The following FOXJ3 variants were observed in gnomAD, a reference collection of about 807,000 sequenced individuals.
FOXJ3 encodes the protein forkhead box protein J3.
Under a neutral mutation model 76.1 loss-of-function variants are expected in FOXJ3, and 22 were observed. The ratio of observed to expected loss-of-function variants is 0.29; its 90% CI spans 0.21 to 0.41. The LOEUF (loss-of-function observed/expected upper bound fraction) is 0.41, where lower values mean the gene tolerates loss of function less well. Among genes scored for constraint, FOXJ3 ranks in the 10% least tolerant of loss-of-function variants. The pLI, the probability that FOXJ3 is intolerant of heterozygous loss-of-function variation, is 1.00. For missense variants in FOXJ3, 613 were observed against 762.1 expected, an observed-to-expected ratio of 0.80 and a Z score of 2.30; for synonymous variants, 269 against 261.2, an observed-to-expected ratio of 1.03 and a Z score of -0.29.
chr1:42,237,198 AC>A (rs1192394184), intron 4 of FOXJ3, among the ~76,000 whole-genome samples: 7 of 147,052 alleles, frequency 4.8e-5, no homozygotes, highest in Non-Finnish European at 4.5e-5. Flanking sequence ...ACACGGTAAA[AC>A]CCCGTCTCTA....
At chr1:42,237,389 T>TAC (rs1390531804) in intron 4 of FOXJ3, among the ~76,000 whole-genome samples, 1,540 of 117,184 alleles carry the variant, frequency 0.013, 36 homozygotes, top group African/African-American at 0.045. Context: ...AATATATATA[T>TAC]ATACATACAT....
At chr1:42,286,097 G>A (rs947323702) in intron 2 of FOXJ3, among the ~76,000 whole-genome samples, 8 of 152,128 alleles carry the variant, frequency 5.3e-5, no homozygotes, top group Non-Finnish European at 1.2e-4. Flanking sequence ...GTAGACAAAG[G>A]AGTCAACTAT....
intron 4 of FOXJ3, among the ~76,000 whole-genome samples, chr1:42,231,389 A>T (rs991720704): frequency 1.2e-4 from 18 of 152,158 alleles, no homozygotes; most frequent in African/African-American, 4.1e-4. Flanking sequence ...CAGTCACAGA[A>T]GGACAAATAT....
At chr1:42,280,308 C>G in intron 2 of FOXJ3, 4 of 983,284 alleles carry the variant, frequency 4.1e-6, no homozygotes, top group Non-Finnish European at 4.8e-6. Flanking sequence ...TAAATTGAGT[C>G]CTCTTGATTT....
chr1:42,207,267 ATGAG>A (rs1175518123), intron 5 of FOXJ3, among the ~76,000 whole-genome samples: 3 of 152,166 alleles, frequency 2.0e-5, no homozygotes, highest in African/African-American at 4.8e-5. Flanking sequence ...GCTACCACAT[ATGAG>A]TGAGAATACG....
rs1005236407 is a variant in FOXJ3 at position 42,278,608 on chromosome 1, C to T, written c.109G>A (p.Ala37Thr). Reference sequence around the variant, plus strand: ...GTAGCATCAGATTTTTGGATGGCTGCTCTCATGGTGAGCTGTGGTAACCAG... The same window carrying T: ...GTAGCATCAGATTTTTGGATGGCTGTTCTCATGGTGAGCTGTGGTAACCAG... ...MDWLPQLTMR[A>T]AIQKSDATQN... Residue 37 changes from alanine to threonine, a missense_variant, in exon 3 of 13, where the codon GCA becomes ACA. Physicochemically the swap from Ala to Thr is moderately conservative, Grantham distance 58. Around this residue, in one of 3 missense-constraint regions of FOXJ3, gnomAD observed 77 missense variants for 115.1 expected, o/e 0.67. Coordinates refer to ENST00000361346, the MANE Select transcript of FOXJ3 (RefSeq NM_014947.5). 1 of 1,614,014 alleles carries T rather than the reference C, an allele frequency of 6.2e-7. No homozygotes were observed. The highest frequency in any genetic ancestry group is 8.5e-7 in the Non-Finnish European group (1 of 1,180,016).
In FOXJ3 at chr1:42,197,718, G is replaced by A. The variant is rs1263815435; in HGVS notation, c.759+1384C>T. Among the ~76,000 whole-genome samples, 5 of 149,948 alleles carry A rather than the reference G, an allele frequency of 3.3e-5. No individual in the cohort carries two copies. In the East Asian group the frequency reaches 9.7e-4, roughly 29 times the overall value. ...AAAGAAATAACAGTCTCGCTCTATC[G>A]CCCAGGCTGGAGTGGAGTGACGTGA... is the stretch of plus-strand genomic sequence containing the variant. On this transcript the variant is annotated intron_variant, in intron 7 of 12. Transcript: ENST00000361346.
At chr1:42,238,601 C>G (rs1329288784) in intron 4 of FOXJ3, among the ~76,000 whole-genome samples, 1 of 152,182 alleles carries the variant, frequency 6.6e-6, no homozygotes, top group African/African-American at 2.4e-5. Context: ...CTCTGTCACC[C>G]TGGCTGGAGT....
intron 1 of FOXJ3, among the ~76,000 whole-genome samples, chr1:42,315,114 G>A (rs564656972): frequency 6.6e-5 from 10 of 152,308 alleles, no homozygotes; most frequent in South Asian, 2.1e-4. Flanking sequence ...CCATTTATAC[G>A]AAATGTCCAG....
intron 3 of FOXJ3, among the ~76,000 whole-genome samples, chr1:42,267,624 A>C (rs1395486872): frequency 2.6e-5 from 4 of 152,118 alleles, no homozygotes; most frequent in Non-Finnish European, 5.9e-5. Flanking sequence ...AAAATAATCA[A>C]CAAAACCCAA....
intron 2 of FOXJ3, among the ~76,000 whole-genome samples, chr1:42,310,696 C>G (rs185307134): frequency 1.4e-3 from 215 of 152,202 alleles, no homozygotes; most frequent in Non-Finnish European, 2.5e-3. Flanking sequence ...GTGATCCACC[C>G]GCCTCGGCCT....
At chr1:42,203,542 A>ATTACC (rs769606735) in intron 6 of FOXJ3, among the ~76,000 whole-genome samples, 1 of 152,204 alleles carries the variant, frequency 6.6e-6, no homozygotes, top group African/African-American at 2.4e-5. Context: ...CCTAGGGTGT[A>ATTACC]TTACCATGGC....
chr1:42,278,066 T>C (rs1652424852), intron 3 of FOXJ3, among the ~76,000 whole-genome samples: 1 of 152,108 alleles, frequency 6.6e-6, no homozygotes, highest in African/African-American at 2.4e-5. Context: ...AGGCTCACTG[T>C]CAACTCACCT....
At chr1:42,209,951 G>A (rs891256579) in intron 5 of FOXJ3, among the ~76,000 whole-genome samples, 6 of 152,156 alleles carry the variant, frequency 3.9e-5, no homozygotes, top group Admixed American at 2.0e-4. Flanking sequence ...CAGACCTGGA[G>A]GGATATGGCC....
intron 1 of FOXJ3, among the ~76,000 whole-genome samples, chr1:42,333,106 A>G (rs769307456): frequency 6.6e-6 from 1 of 152,330 alleles, no homozygotes; most frequent in African/African-American, 2.4e-5. Flanking sequence ...AAAAAGCCTC[A>G]GTATGTATCA....
At chr1:42,312,773 T>C (rs1654886849) in intron 1 of FOXJ3, among the ~76,000 whole-genome samples, 1 of 152,256 alleles carries the variant, frequency 6.6e-6, no homozygotes, top group Admixed American at 6.5e-5. Flanking sequence ...GGACACAATG[T>C]ACAAGATGCA....
chr1:42,248,841 G>A (rs866770614), intron 4 of FOXJ3, among the ~76,000 whole-genome samples: 7 of 145,192 alleles, frequency 4.8e-5, no homozygotes, highest in African/African-American at 1.3e-4. Flanking sequence ...CTAACAATCC[G>A]TCACCTAGGT....
intron 8 of FOXJ3, among the ~76,000 whole-genome samples, chr1:42,194,433 T>C (rs1402543692): frequency 6.6e-6 from 1 of 152,260 alleles, no homozygotes; most frequent in Admixed American, 6.5e-5. Context: ...AGCTGATGTA[T>C]TCACTTCTAA....
At chr1:42,285,248 C>A (rs2124691363) in intron 2 of FOXJ3, among the ~76,000 whole-genome samples, 1 of 152,194 alleles carries the variant, frequency 6.6e-6, no homozygotes, top group African/African-American at 2.4e-5. Context: ...ATTAGCTATT[C>A]TTCCTGATGC....
Sources: gnomAD v4.1 joint callset for allele counts (sites outside exome capture counted in the v4.1 genomes callset) on GRCh38, gnomAD v4.1.1 for gene constraint, gnomAD v4.1.1 regional missense constraint, MANE v1.5 for transcripts, NCBI Gene and HGNC (gene_info 2026-07-23, HGNC 2026-07-21) for gene names.